The following CLEC16A variants were observed in gnomAD, a reference collection of about 807,000 sequenced individuals.
The protein encoded by CLEC16A is protein CLEC16A.
A neutral mutation model predicts 109.5 loss-of-function variants in CLEC16A; 51 were observed. That is an observed-to-expected ratio of 0.47 (90% CI 0.37 to 0.59). CLEC16A has a LOEUF of 0.59. Among genes scored for constraint, CLEC16A ranks in the 20% least tolerant of loss-of-function variants. The pLI is 0.00. For synonymous variants in CLEC16A, 673 were observed against 564.2 expected (o/e 1.19, Z -2.73); for missense variants, 1,339 against 1,394.0 (o/e 0.96, Z 0.63).
intron 15 of CLEC16A, among the ~76,000 whole-genome samples, chr16:11,042,702 T>C (rs2047406730): frequency 6.6e-6 from 1 of 152,114 alleles, no homozygotes; most frequent in African/African-American, 2.4e-5. Context: ...CATACACACA[T>C]TGATTATGGT....
intron 22 of CLEC16A, among the ~76,000 whole-genome samples, chr16:11,162,488 A>T (rs2054758688): frequency 6.6e-6 from 1 of 152,174 alleles, no homozygotes; most frequent in African/African-American, 2.4e-5. Flanking sequence ...AAATTCAGAC[A>T]AGCACAAAAA....
At chr16:11,119,763 AT>A (rs1018015901) in intron 19 of CLEC16A, among the ~76,000 whole-genome samples, 2 of 151,470 alleles carry the variant, frequency 1.3e-5, no homozygotes, top group Admixed American at 6.6e-5. Flanking sequence ...GAATTTTAGG[AT>A]TTTTTTTCTA....
chr16:11,064,682 T>C (rs1413577216), intron 19 of CLEC16A, among the ~76,000 whole-genome samples: 2 of 152,064 alleles, frequency 1.3e-5, no homozygotes, highest in Non-Finnish European at 2.9e-5. Context: ...GGGGCTGAGG[T>C]GGGAGGATCT....
intron 1 of CLEC16A, among the ~76,000 whole-genome samples, chr16:10,956,620 C>T (rs1409895418): frequency 1.3e-5 from 2 of 152,158 alleles, no homozygotes; most frequent in African/African-American, 4.8e-5. Context: ...CCAGGGCATC[C>T]AGCTAGGCTT....
intron 3 of CLEC16A, among the ~76,000 whole-genome samples, chr16:10,963,407 A>G (rs1400609792): frequency 6.6e-6 from 1 of 152,222 alleles, no homozygotes; most frequent in Non-Finnish European, 1.5e-5. Flanking sequence ...TGTGGTGGGT[A>G]CTATCAGAGG....
chr16:10,963,919 T>G (rs1015472527), intron 3 of CLEC16A, among the ~76,000 whole-genome samples: 2 of 152,168 alleles, frequency 1.3e-5, no homozygotes, highest in African/African-American at 4.8e-5. Flanking sequence ...GCCCAAATTG[T>G]CCCCAGTGCC....
At chr16:11,120,978 C>T (rs771949902) in intron 20 of CLEC16A, among the ~76,000 whole-genome samples, 3 of 152,124 alleles carry the variant, frequency 2.0e-5, no homozygotes, top group Non-Finnish European at 4.4e-5. Context: ...CCAAAACGCT[C>T]GATTCTTACA....
chr16:11,093,358 G>A (rs1020585504), intron 19 of CLEC16A, among the ~76,000 whole-genome samples: 3 of 152,324 alleles, frequency 2.0e-5, no homozygotes, highest in Non-Finnish European at 4.4e-5. Context: ...GTCCCAGTGA[G>A]TATGAGTCTA....
intron 11 of CLEC16A, among the ~76,000 whole-genome samples, chr16:11,017,309 C>T (rs766307235): frequency 1.3e-5 from 2 of 152,096 alleles, no homozygotes; most frequent in Admixed American, 1.3e-4. Flanking sequence ...GAGAACAAGA[C>T]ACATAAGACA....
At chr16:11,053,393 G>A (rs1361882158) in intron 18 of CLEC16A, among the ~76,000 whole-genome samples, 6 of 150,896 alleles carry the variant, frequency 4.0e-5, no homozygotes, top group African/African-American at 9.7e-5. Context: ...TTTTAGACAG[G>A]GTCCTGCTCT....
intron 17 of CLEC16A, among the ~76,000 whole-genome samples, chr16:11,048,682 C>G (rs1179221090): frequency 6.6e-6 from 1 of 152,152 alleles, no homozygotes; most frequent in Non-Finnish European, 1.5e-5. Context: ...TCCAGAAACA[C>G]CCCAGCAGCA....
rs142713929 is a variant in CLEC16A, at chr16:11,045,596, G to T, written c.1815+1524G>T. Among the ~76,000 whole-genome samples the T allele has an allele frequency of 1.5e-3, 224 of 152,238 alleles. 3 individuals are homozygous for T. The highest frequency in any genetic ancestry group is 5.1e-3 in the African/African-American group (212 of 41,562). On this transcript the variant is annotated intron_variant, in intron 16 of 23. Transcript: ENST00000409790. ...CACTCAGGCCTTGCCAGCCTCATGTGTCTTTCAGGGAAGGCTCATCACTCG... is the reference window on the plus strand; with the variant it reads ...CACTCAGGCCTTGCCAGCCTCATGTTTCTTTCAGGGAAGGCTCATCACTCG...
chr16:10,961,925 C>A lies in CLEC16A; in HGVS notation c.210-530C>A, dbSNP rs2042264693. Among the ~76,000 whole-genome samples, 1 of 152,082 alleles carries A rather than the reference C, an allele frequency of 6.6e-6. No individual in the cohort carries two copies. The highest frequency in any genetic ancestry group is 1.5e-5 in the Non-Finnish European group (1 of 67,996). On this transcript the variant is annotated intron_variant, in intron 2 of 23. Transcript: ENST00000409790. This position sits in a 1 kb window ranked among gnomAD's most constrained non-coding sequence, Gnocchi z 4.3. ...AAACTGGCAGTTAAGGGGAAGAAAA[C>A]CGTAGGGCTAAAGCTTTTTGGGAAC...
chr16:11,131,461 C>T (rs1029000649), intron 22 of CLEC16A, among the ~76,000 whole-genome samples: 2 of 152,204 alleles, frequency 1.3e-5, no homozygotes, highest in African/African-American at 4.8e-5. Context: ...CCTACTGGCC[C>T]AGAGGCTGCT....
At chr16:11,026,981 T>C (rs2046442853) in intron 13 of CLEC16A, 2 of 1,543,308 alleles carry the variant, frequency 1.3e-6, no homozygotes, top group African/African-American at 2.7e-5. Flanking sequence ...GTCTTTCCCA[T>C]GTGGTGGGGT....
At chr16:11,117,591 A>G (rs1185174283) in intron 19 of CLEC16A, among the ~76,000 whole-genome samples, 1 of 152,166 alleles carries the variant, frequency 6.6e-6, no homozygotes, top group Non-Finnish European at 1.5e-5. Flanking sequence ...TACTTTTCTC[A>G]TTTTAAAATA....
chr16:11,027,271 A>G, intron 13 of CLEC16A: 3 of 1,548,380 alleles, frequency 1.9e-6, no homozygotes, highest in Non-Finnish European at 2.6e-6. Flanking sequence ...GAATTGCCAG[A>G]TAAACATTCC....
intron 22 of CLEC16A, among the ~76,000 whole-genome samples, chr16:11,141,179 A>G (rs1186875527): frequency 1.3e-5 from 2 of 152,184 alleles, no homozygotes; most frequent in Non-Finnish European, 1.5e-5. Context: ...CCTCCCAAGT[A>G]TTCTAGCCAG....
At chr16:11,170,128 C>T (rs919007932) in intron 23 of CLEC16A, among the ~76,000 whole-genome samples, 6 of 152,220 alleles carry the variant, frequency 3.9e-5, no homozygotes, top group Non-Finnish European at 8.8e-5. Context: ...TCCAGGGTGT[C>T]GCAGAGACCC....
Sources: gnomAD v4.1 joint callset for allele counts (sites outside exome capture counted in the v4.1 genomes callset) on GRCh38, gnomAD v4.1.1 for gene constraint, Gnocchi (gnomAD v3.1) non-coding constraint, MANE v1.5 for transcripts, NCBI Gene and HGNC (gene_info 2026-07-23, HGNC 2026-07-21) for gene names.